The following MYO18B variants were observed in gnomAD, a reference collection of about 807,000 sequenced individuals.
The protein encoded by MYO18B is myosin XVIIIB, also known as unconventional myosin-XVIIIb.
In MYO18B, 204 loss-of-function variants were observed where a neutral mutation model predicts 273.0. The observed-to-expected ratio is 0.75, with a 90% confidence interval of 0.67 to 0.84. The LOEUF (loss-of-function observed/expected upper bound fraction) is 0.84. Ranked by LOEUF, MYO18B falls within the 40% of genes least tolerant of loss-of-function variation. The pLI is 0.00. For missense variants in MYO18B, 3,212 were observed against 3,287.6 expected (o/e 0.98, Z 0.56); for synonymous variants, 1,330 against 1,305.7 (o/e 1.02, Z -0.40).
intron 9 of MYO18B, 96 bp downstream of exon 9, chr22:25,780,294 AG>A: frequency 7.1e-7 from 1 of 1,407,036 alleles, no homozygotes; most frequent in Non-Finnish European, 9.5e-7. Flanking sequence ...CTGGGACTCT[AG>A]GATGTGTCTG....
At chr22:25,866,896 T>C (rs1317516889) in intron 21 of MYO18B, among the ~76,000 whole-genome samples, 1 of 152,074 alleles carries the variant, frequency 6.6e-6, no homozygotes, top group Non-Finnish European at 1.5e-5. Flanking sequence ...CCATGTCATT[T>C]ATTTAGCAAA....
chr22:25,872,910 A>G (rs1485426907), intron 22 of MYO18B, among the ~76,000 whole-genome samples: 1 of 152,212 alleles, frequency 6.6e-6, no homozygotes, highest in East Asian at 1.9e-4. Context: ...AAAGAAACAC[A>G]TGGGACTCTT....
At chr22:26,062,618 T>C in the MYO18B span, among the ~76,000 whole-genome samples, 1 of 152,218 alleles carries the variant, frequency 6.6e-6, no homozygotes, top group Non-Finnish European at 1.5e-5. Context: ...TTTACTATTA[T>C]TAATAATTTT....
At chr22:26,040,365 A>G in the MYO18B span, among the ~76,000 whole-genome samples, 5 of 152,262 alleles carry the variant, frequency 3.3e-5, no homozygotes, top group African/African-American at 1.2e-4. Flanking sequence ...AAATTTATCC[A>G]TAAAACACCT....
intron 29 of MYO18B, among the ~76,000 whole-genome samples, chr22:25,900,056 C>G (rs2091900383): frequency 6.6e-6 from 1 of 152,198 alleles, no homozygotes; most frequent in South Asian, 2.1e-4. Context: ...AAAATTCCAT[C>G]TGTCTGGTCT....
chr22:25,769,928 G>A (rs1007233769), intron 4 of MYO18B, 182 bp from the exon 5 acceptor site: 10 of 653,174 alleles, frequency 1.5e-5, no homozygotes, highest in Non-Finnish European at 2.2e-5. Context: ...TGTGATCTCG[G>A]CTCCACCTCC....
rs568985749 is a variant in MYO18B, at chr22:25,834,017, A to C, written c.3060+1020A>C. Among the ~76,000 whole-genome samples the C allele has an allele frequency of 9.9e-5, 15 of 150,992 alleles. No individual in the cohort carries two copies. The East Asian group carries it at 2.0e-3, about 20-fold the overall frequency. On this transcript the variant is annotated intron_variant, in intron 16 of 43. Coordinates refer to ENST00000335473, the MANE Select transcript of MYO18B (RefSeq NM_032608.7). The stretch of plus-strand genomic sequence containing the variant: ...ATCTGTCTAGTTCATTTCCTTCCAC[A>C]CTGTGCTTCCTCACCTGTGCCTCTC...
At chr22:25,819,320 C>T (rs1202120415) in intron 12 of MYO18B, among the ~76,000 whole-genome samples, 2 of 152,188 alleles carry the variant, frequency 1.3e-5, no homozygotes, top group East Asian at 3.8e-4. Flanking sequence ...TTGCCAATTT[C>T]CTTTATGACT....
At chr22:25,848,825 G>A (rs1395838360) in intron 20 of MYO18B, among the ~76,000 whole-genome samples, 3 of 152,114 alleles carry the variant, frequency 2.0e-5, no homozygotes, top group African/African-American at 7.2e-5. Context: ...GGGTGGCTGG[G>A]ACAGGCAGAA....
chr22:25,844,210 T>C (rs1793068401), intron 18 of MYO18B, among the ~76,000 whole-genome samples: 2 of 152,198 alleles, frequency 1.3e-5, no homozygotes, highest in Admixed American at 6.5e-5. Flanking sequence ...ACAACTTTTA[T>C]GGACATTCAA....
intron 21 of MYO18B, among the ~76,000 whole-genome samples, chr22:25,856,372 C>T (rs906522531): frequency 1.3e-5 from 2 of 152,192 alleles, no homozygotes; most frequent in African/African-American, 4.8e-5. Context: ...TAGTGCAGTT[C>T]GTTACAGGAC....
At chr22:25,784,725 A>G (rs1207594235) in intron 10 of MYO18B, among the ~76,000 whole-genome samples, 1 of 152,208 alleles carries the variant, frequency 6.6e-6, no homozygotes, top group Non-Finnish European at 1.5e-5. Flanking sequence ...GGCAGGGGGC[A>G]TAGCTGTGCC....
chr22:25,837,530 T>C (rs778210271), intron 17 of MYO18B, among the ~76,000 whole-genome samples: 6 of 152,192 alleles, frequency 3.9e-5, no homozygotes, highest in Non-Finnish European at 7.3e-5. Context: ...TTTCGGGTGA[T>C]TGTCCAACTG....
At chr22:25,934,028 C>T (rs1475165425) in intron 34 of MYO18B, among the ~76,000 whole-genome samples, 2 of 152,202 alleles carry the variant, frequency 1.3e-5, no homozygotes, top group Non-Finnish European at 2.9e-5. Context: ...GCATTTTAGC[C>T]ATTCCGAGGG....
intron 12 of MYO18B, among the ~76,000 whole-genome samples, chr22:25,806,174 A>G (rs1200054743): frequency 6.6e-6 from 1 of 152,166 alleles, no homozygotes; most frequent in Non-Finnish European, 1.5e-5. Context: ...TTGCCCTGGA[A>G]TGGAGGTGCG....
intron 40 of MYO18B, among the ~76,000 whole-genome samples, chr22:25,994,500 A>C (rs938272638): frequency 6.6e-5 from 10 of 150,424 alleles, no homozygotes; most frequent in Non-Finnish European, 1.3e-4. Context: ...ATAAAAGTTC[A>C]TGTTTTGCCT....
intron 36 of MYO18B, 113 bp from the exon 37 acceptor site, chr22:25,950,254 T>A: frequency 1.2e-6 from 1 of 804,398 alleles, no homozygotes; most frequent in Admixed American, 2.8e-5. Flanking sequence ...ATAGAAGCTC[T>A]GAGAGATGTA....
chr22:25,751,956 C>T (rs1210002746), intron 1 of MYO18B, among the ~76,000 whole-genome samples: 2 of 152,198 alleles, frequency 1.3e-5, no homozygotes, highest in African/African-American at 4.8e-5. Context: ...TGTCCTCTCA[C>T]TGCACGGCTA....
chr22:26,008,409 A>G (rs1033588), intron 42 of MYO18B, among the ~76,000 whole-genome samples: 82,256 of 152,064 alleles, frequency 0.54, 23,336 homozygotes, highest in African/African-American at 0.6. Context: ...TACCTGGTGC[A>G]TGGGAAGACC....
Sources: gnomAD v4.1 joint callset for allele counts (sites outside exome capture counted in the v4.1 genomes callset) on GRCh38, gnomAD v4.1.1 for gene constraint, MANE v1.5 for transcripts, NCBI Gene and HGNC (gene_info 2026-07-23, HGNC 2026-07-21) for gene names.